NRG1: variants seen among roughly 807,000 people sequenced by gnomAD.
NRG1 encodes the protein pro-neuregulin-1, membrane-bound isoform.
A neutral mutation model predicts 63.8 loss-of-function variants in NRG1; 18 were observed. The ratio of observed to expected loss-of-function variants is 0.28; its 90% CI spans 0.19 to 0.42. NRG1 has a LOEUF of 0.42. Ranked by LOEUF, NRG1 falls within the 10% of genes least tolerant of loss-of-function variation. The probability of loss-of-function intolerance (pLI) is 1.00; values close to 1 mark genes in which losing one functional copy is unlikely to be tolerated. For missense variants in NRG1, 762 were observed against 814.7 expected (o/e 0.94, Z 0.79); for synonymous variants, 302 against 301.3 (o/e 1.00, Z -0.02).
At chr8:31,652,427 C>T (rs559661296) in intron 1 of NRG1, among the ~76,000 whole-genome samples, 5 of 152,260 alleles carry the variant, frequency 3.3e-5, no homozygotes, top group Non-Finnish European at 5.9e-5. Context: ...TAAAGCTTTT[C>T]GGTTGACATC....
chr8:31,983,022 G>T (rs564718347), intron 1 of NRG1, among the ~76,000 whole-genome samples: 15 of 152,212 alleles, frequency 9.9e-5, no homozygotes, highest in African/African-American at 3.4e-4. Flanking sequence ...CTCATTCAAG[G>T]TTGGCACAAA....
At chr8:31,749,717 C>T (rs1318053471) in intron 1 of NRG1, among the ~76,000 whole-genome samples, 1 of 137,300 alleles carries the variant, frequency 7.3e-6, no homozygotes, top group East Asian at 2.2e-4. Flanking sequence ...GGCAAGGATA[C>T]ACTGAAGGTG....
chr8:32,019,520 T>C (rs1199531652), intron 1 of NRG1, among the ~76,000 whole-genome samples: 1 of 152,254 alleles, frequency 6.6e-6, no homozygotes, highest in Admixed American at 6.5e-5. Context: ...TCTTTTGATG[T>C]ACAAAATTTC....
At chr8:32,127,339 C>T (rs1272050416) in intron 1 of NRG1, among the ~76,000 whole-genome samples, 1 of 151,842 alleles carries the variant, frequency 6.6e-6, no homozygotes, top group Non-Finnish European at 1.5e-5. Flanking sequence ...ACTGTGGCCA[C>T]AGCAGTAAAG....
At chr8:32,263,728 C>T (rs993251722) in intron 1 of NRG1, among the ~76,000 whole-genome samples, 16 of 152,154 alleles carry the variant, frequency 1.1e-4, no homozygotes, top group African/African-American at 3.6e-4. Context: ...TCAAGATTAT[C>T]GTGGGTGGGC....
chr8:31,916,245 T>C (rs1371184866), intron 1 of NRG1, among the ~76,000 whole-genome samples: 1 of 152,088 alleles, frequency 6.6e-6, no homozygotes, highest in Non-Finnish European at 1.5e-5. Flanking sequence ...AGTTTTAGGG[T>C]ATATGTGCAC....
At chr8:32,701,683 C>CA (rs1286574274) in intron 5 of NRG1, among the ~76,000 whole-genome samples, 1 of 152,114 alleles carries the variant, frequency 6.6e-6, no homozygotes. Context: ...TCTAACTTGA[C>CA]AAAAATAAAT....
At chr8:32,033,406 G>T (rs1586622128) in intron 1 of NRG1, among the ~76,000 whole-genome samples, 1 of 152,044 alleles carries the variant, frequency 6.6e-6, no homozygotes, top group African/African-American at 2.4e-5. Flanking sequence ...TGCTCTTTTT[G>T]CTTAGGATAG....
At chr8:32,736,468 G>A (rs1353516726) in intron 6 of NRG1, among the ~76,000 whole-genome samples, 3 of 152,250 alleles carry the variant, frequency 2.0e-5, no homozygotes, top group Admixed American at 6.5e-5. Context: ...TACACAGAGA[G>A]AGAGCAAAGG....
chr8:32,134,075 C>G (rs1176620972), intron 1 of NRG1, among the ~76,000 whole-genome samples: 1 of 152,116 alleles, frequency 6.6e-6, no homozygotes, highest in Non-Finnish European at 1.5e-5. Context: ...CTGCATCTTA[C>G]ATTTTGTTAC....
intron 6 of NRG1, among the ~76,000 whole-genome samples, chr8:32,735,986 G>A (rs1824950576): frequency 6.6e-6 from 1 of 151,046 alleles, no homozygotes; most frequent in Non-Finnish European, 1.5e-5. Flanking sequence ...CTCATGGATT[G>A]GAAACTAGTC....
intron 1 of NRG1, among the ~76,000 whole-genome samples, chr8:31,665,048 C>T (rs184016512): frequency 4.7e-4 from 72 of 152,096 alleles, no homozygotes; most frequent in African/African-American, 1.5e-3. Flanking sequence ...CTTTTGTTGA[C>T]GGGGAGAGGC....
chr8:32,403,750 T>C (rs1813557500), intron 1 of NRG1, among the ~76,000 whole-genome samples: 1 of 152,074 alleles, frequency 6.6e-6, no homozygotes, highest in Non-Finnish European at 1.5e-5. Context: ...AGAGTGAGAG[T>C]TCATTGAGGA....
chr8:32,490,081 A>G (rs1208602100), intron 1 of NRG1, among the ~76,000 whole-genome samples: 1 of 152,202 alleles, frequency 6.6e-6, no homozygotes, highest in Non-Finnish European at 1.5e-5. Context: ...AGGTAGGAGG[A>G]TATCTTGAGC....
chr8:32,687,174 A>G (rs369807290), intron 5 of NRG1, among the ~76,000 whole-genome samples: 38 of 152,342 alleles, frequency 2.5e-4, no homozygotes, highest in African/African-American at 8.7e-4. Context: ...AAAAAGAGCC[A>G]AGGAAAGCTA....
intron 1 of NRG1, among the ~76,000 whole-genome samples, chr8:32,120,920 G>A (rs1394089577): frequency 6.6e-6 from 1 of 152,006 alleles, no homozygotes; most frequent in East Asian, 1.9e-4. Flanking sequence ...CTCTGCAAGA[G>A]GGGAGTTCCA....
intron 1 of NRG1, among the ~76,000 whole-genome samples, chr8:32,413,469 T>C (rs1158450861): frequency 1.3e-5 from 2 of 152,216 alleles, no homozygotes; most frequent in Non-Finnish European, 2.9e-5. Flanking sequence ...TTTACTTCTA[T>C]TCTGAAGCAG....
intron 4 of NRG1, 140 bp downstream of exon 4, chr8:32,614,704 CTTG>C: frequency 1.3e-6 from 1 of 755,654 alleles, no homozygotes; most frequent in East Asian, 2.7e-5. Flanking sequence ...TTTTCTCAAC[CTTG>C]TTCTGTCTTT....
At chr8:32,042,140 A>G (rs1352905211) in intron 1 of NRG1, among the ~76,000 whole-genome samples, 1 of 152,138 alleles carries the variant, frequency 6.6e-6, no homozygotes, top group Admixed American at 6.6e-5. Context: ...GATATTCTCG[A>G]ATGAATTAAA....
Sources: allele counts gnomAD v4.1 joint callset (sites outside exome capture counted in the v4.1 genomes callset), GRCh38; gene constraint gnomAD v4.1.1; transcripts MANE v1.5; gene names NCBI Gene and HGNC (gene_info 2026-07-23, HGNC 2026-07-21).